Variants in DBNL observed in about 807,000 individuals in gnomAD.
The protein encoded by DBNL is drebrin-like protein.
In DBNL, 35 loss-of-function variants were observed where a neutral mutation model predicts 62.2. The observed-to-expected ratio is 0.56, with a 90% CI of 0.43 to 0.75. The LOEUF (loss-of-function observed/expected upper bound fraction) is 0.75, where lower values mean the gene tolerates loss of function less well. Among genes scored for constraint, DBNL ranks in the 30% least tolerant of loss-of-function variants. The pLI, the probability that DBNL is intolerant of heterozygous loss-of-function variation, is 0.00. For synonymous variants in DBNL, 197 were observed against 218.0 expected (o/e 0.90, Z 0.85); for missense variants, 495 against 578.4 (o/e 0.86, Z 1.48).
rs750422335 is a variant in DBNL, at chr7:44,062,889, C to T, written c.*1973C>T. 3 of 1,614,208 alleles carry T rather than the reference C, an allele frequency of 1.9e-6. No individual in the cohort carries two copies. The highest frequency in any genetic ancestry group is 3.3e-4 in the Middle Eastern group (2 of 6,062). On this transcript the variant is annotated 3_prime_UTR_variant, in exon 13 of 13. Transcript: ENST00000448521. ...TTCAGCTCATACACAATGGGGATCC[C>T]CGTGGGCAGGTTCAGCTCCATGATC...
intron 4 of DBNL, 78 bp downstream of exon 4, chr7:44,053,019 A>G (rs2096129404): frequency 1.3e-6 from 2 of 1,531,004 alleles, no homozygotes; most frequent in African/African-American, 2.7e-5. Flanking sequence ...GGTGCGAGCA[A>G]GTGGGAATCA....
At chr7:44,057,526 G>A (rs1050070980) in intron 5 of DBNL, among the ~76,000 whole-genome samples, 3 of 152,130 alleles carry the variant, frequency 2.0e-5, no homozygotes, top group Admixed American at 1.3e-4. Context: ...CCATGAGGGC[G>A]AGAGACCACC....
In DBNL at chr7:44,064,973, T is replaced by G. The variant is rs763114348; in HGVS notation, c.*4057T>G. 2 of 1,607,360 alleles carry G rather than the reference T, an allele frequency of 1.2e-6. No homozygotes were observed. Among genetic ancestry groups the G allele is most frequent in the Admixed American group, 3.3e-5 (2 of 59,870 alleles). On this transcript the variant is annotated 3_prime_UTR_variant, in exon 13 of 13. Coordinates refer to ENST00000448521, the MANE Select transcript of DBNL (RefSeq NM_001014436.3). ...ATGGTGTCCTTGAGGCTCTCGCAGG[T>G]GGGGAGTTCCCCGGGCTTCAGGCCT...
In DBNL at chr7:44,058,073, G is replaced by A. The variant is rs2096139752; in HGVS notation, c.553-56G>A. ...TGTGCCTAAAACTCAGTCCTGGGCA[G>A]GGGATTAGGCTGAAGTGGCAGCATA... is the stretch of plus-strand genomic sequence containing the variant. On this transcript the variant is annotated intron_variant, in intron 6 of 12. Transcript: ENST00000448521. The A allele has an allele frequency of 2.6e-6, 4 of 1,543,466 alleles. No individual in the cohort carries two copies. In the South Asian group the frequency reaches 3.6e-5, roughly 14 times the overall value.
At position 44,060,135 on chromosome 7, in the gene DBNL, C is replaced by G; in HGVS notation, c.1135C>G (p.Leu379Val). Residue 379 changes from leucine (L) to valine (V), a missense_variant, in exon 12 of 13, where the codon CTG (leucine) becomes GTG (valine). Coordinates refer to ENST00000448521, the MANE Select transcript of DBNL (RefSeq NM_001014436.3). This position sits in a 1 kb window ranked among gnomAD's most constrained non-coding sequence, Gnocchi z 6.3. ...LSGQGLCARA[L>V]YDYQAADDTE... ...TGGGCAAGGGCTCTGTGCCCGTGCC[C>G]TGTACGACTACCAGGCAGGTAAGGT... 2 of 1,612,026 alleles carry G rather than the reference C, an allele frequency of 1.2e-6. No homozygotes were observed. The highest frequency in any genetic ancestry group is 1.7e-6 in the Non-Finnish European group (2 of 1,178,678).
intron 3 of DBNL, among the ~76,000 whole-genome samples, chr7:44,052,376 G>A (rs1278066360): frequency 3.3e-5 from 5 of 152,064 alleles, no homozygotes; most frequent in East Asian, 1.9e-4. Flanking sequence ...TTGGGAGGCC[G>A]AGGTGGGTGG....
rs1264838359 is a variant in DBNL at position 44,062,946 on chromosome 7, TAG to T, written c.*2031_*2032del. ...TCTGACATCCCTATGCCGGAAGGAA[TAG>T]GTGTCCTTAGCCCCTCTGTCCCCAG... On this transcript the variant is annotated 3_prime_UTR_variant, in exon 13 of 13. Coordinates refer to ENST00000448521, the MANE Select transcript of DBNL (RefSeq NM_001014436.3). 2 of 1,614,010 alleles carry T rather than the reference TAG, an allele frequency of 1.2e-6. No individual in the cohort carries two copies. The highest frequency in any genetic ancestry group is 3.3e-4 in the Middle Eastern group (2 of 6,062).
Position 44,058,981 on chromosome 7 carries a change from C to T in DBNL, c.833C>T (p.Pro278Leu), listed in dbSNP as rs1370026429. The part of the protein sequence containing the change: ...MSTTSISSPQ[P>L]GKLRSPFLQK... Reference sequence around the variant, plus strand: ...ACCACCTCCATCTCCAGTCCTCAGCCTGGTGAGCTCTCCCTTTGGGCCTGG... The same window carrying T: ...ACCACCTCCATCTCCAGTCCTCAGCTTGGTGAGCTCTCCCTTTGGGCCTGG... The change falls in exon 9 of 13, where the codon CCT becomes CTT. Residue 278 changes from proline (P) to leucine (L), a missense_variant and splice_region_variant. Coordinates refer to ENST00000448521, the MANE Select transcript of DBNL (RefSeq NM_001014436.3). 1.2e-6 allele frequency: 2 copies of T among 1,613,934 alleles called. No individual in the cohort carries two copies. Among genetic ancestry groups the T allele is most frequent in the Non-Finnish European group, 1.7e-6 (2 of 1,179,966 alleles).
chr7:44,056,621 C>A, intron 4 of DBNL, 136 bp from the exon 5 acceptor site: 1 of 1,268,118 alleles, frequency 7.9e-7, no homozygotes, highest in South Asian at 1.5e-5. Flanking sequence ...TTTTCAGCAG[C>A]CAGACAGGTG....
In DBNL at chr7:44,064,844, T is replaced by G. The variant is rs558829258; in HGVS notation, c.*3928T>G. ...AAGGTGGCCTCACCTTCCAGGTGCT[T>G]GACAATGCCCCGCAGGCTGTTCCCG... On this transcript the variant is annotated 3_prime_UTR_variant, in exon 13 of 13. Transcript: ENST00000448521. 1 of 1,601,804 alleles carries G rather than the reference T, an allele frequency of 6.2e-7. No individual in the cohort carries two copies. Among genetic ancestry groups the G allele is most frequent in the African/African-American group, 1.3e-5 (1 of 74,768 alleles).
chr7:44,056,868 G>C lies in DBNL; in HGVS notation c.439G>C (p.Gly147Arg), dbSNP rs754942097. 1 of 1,614,158 alleles carries C rather than the reference G, an allele frequency of 6.2e-7. No individual in the cohort carries two copies. Among genetic ancestry groups the C allele is most frequent in the Admixed American group, 1.7e-5 (1 of 60,024 alleles). Residue 147 changes from glycine (G) to arginine (R), a missense_variant, in exon 5 of 13, where the codon GGC becomes CGC. Physicochemically the swap from Gly to Arg is moderately radical, Grantham distance 125. Coordinates refer to ENST00000448521, the MANE Select transcript of DBNL (RefSeq NM_001014436.3). ...GANYSFHKESGRFQDVGPQAP... is the reference protein window; with the variant it reads ...GANYSFHKESRRFQDVGPQAP... ...CAACTACAGCTTTCACAAGGAGAGT[G>C]GCCGCTTCCAGGACGTGGGACCCCA...
rs2096148018 is a variant in DBNL, at chr7:44,061,020, C to T, written c.*104C>T. On this transcript the variant is annotated 3_prime_UTR_variant, in exon 13 of 13. Coordinates refer to ENST00000448521, the MANE Select transcript of DBNL (RefSeq NM_001014436.3). ...TCAGCACTCTTCCAGGAATAGGACCCCCAGTGAGGATGAGGCCTCAGGGCT... is the reference window on the plus strand; with the variant it reads ...TCAGCACTCTTCCAGGAATAGGACCTCCAGTGAGGATGAGGCCTCAGGGCT... 4 of 1,457,792 alleles carry T rather than the reference C, an allele frequency of 2.7e-6. No individual in the cohort carries two copies. The highest frequency in any genetic ancestry group is 3.6e-6 in the Non-Finnish European group (4 of 1,096,452). The allele number at this position is 1,457,792 out of a possible 1,614,324, so 90.3% of individuals were successfully genotyped here. A position where few individuals can be genotyped will look rare whatever the true frequency, so the allele number is the denominator to read the frequency against.
chr7:44,060,140 C>T lies in DBNL; in HGVS notation c.1140C>T (p.Tyr380=), dbSNP rs376565244. The T allele has an allele frequency of 1.2e-5, 20 of 1,611,202 alleles. No individual in the cohort carries two copies. The highest frequency in any genetic ancestry group is 1.2e-4 in the African/African-American group (9 of 74,854). Residue 380 remains tyrosine, a synonymous_variant, in exon 12 of 13, where the codon TAC becomes TAT. Transcript: ENST00000448521. The surrounding 1 kb of genome is among the most constrained non-coding windows in gnomAD (Gnocchi z 6.3). ...SGQGLCARAL[Y]DYQAADDTEI... is the part of the protein sequence containing the mutation. ...AAGGGCTCTGTGCCCGTGCCCTGTA[C>T]GACTACCAGGCAGGTAAGGTGCCCT...
At chr7:44,045,178 C>T (rs2096114779) in intron 1 of DBNL, among the ~76,000 whole-genome samples, 2 of 152,204 alleles carry the variant, frequency 1.3e-5, no homozygotes, top group South Asian at 4.1e-4. Flanking sequence ...CCTGGGACTT[C>T]CCTGGAGAAG....
intron 4 of DBNL, among the ~76,000 whole-genome samples, chr7:44,053,555 C>T (rs902197482): frequency 2.0e-5 from 3 of 151,998 alleles, no homozygotes; most frequent in Non-Finnish European, 4.4e-5. Flanking sequence ...CCCAGCTTAT[C>T]GATATACAGG....
At position 44,065,081 on chromosome 7, in the gene DBNL, GCTTCCCAGAGGC is replaced by G. The variant is rs1399273356; in HGVS notation, c.*4174_*4185del. 2 of 1,612,350 alleles carry G rather than the reference GCTTCCCAGAGGC, an allele frequency of 1.2e-6. No individual in the cohort carries two copies. Among genetic ancestry groups the G allele is most frequent in the Non-Finnish European group, 1.7e-6 (2 of 1,179,924 alleles). ...CCCCCACCCGACTCCCCACTCTGCA[GCTTCCCAGAGGC>G]CTTCCCAGCAAAGGCAGCCCACCTT... On this transcript the variant is annotated 3_prime_UTR_variant, in exon 13 of 13. Coordinates refer to ENST00000448521, the MANE Select transcript of DBNL (RefSeq NM_001014436.3).
chr7:44,053,285 G>C (rs1159977521), intron 4 of DBNL, among the ~76,000 whole-genome samples: 1 of 152,210 alleles, frequency 6.6e-6, no homozygotes, highest in Non-Finnish European at 1.5e-5. Context: ...TTGGAGGAAG[G>C]GGAGAGTGCC....
chr7:44,053,123 T>C (rs2096129579), intron 4 of DBNL, among the ~76,000 whole-genome samples, 182 bp downstream of exon 4: 1 of 152,172 alleles, frequency 6.6e-6, no homozygotes, highest in Non-Finnish European at 1.5e-5. Flanking sequence ...AGTGAGTGCA[T>C]GGGAGGTCAG....
rs193063359 is a variant in DBNL at position 44,062,398 on chromosome 7, C to T, written c.*1482C>T. On this transcript the variant is annotated 3_prime_UTR_variant, in exon 13 of 13. Transcript: ENST00000448521. ...CTCTGCAGGAAGCTGTCCAGGAAGC[C>T]GTGTCCTGGGCTGTGGTCCTTGCTC... 143 of 323,708 alleles carry T rather than the reference C, an allele frequency of 4.4e-4. No homozygotes were observed. The highest frequency in any genetic ancestry group is 2.6e-3 in the African/African-American group (122 of 46,930). The allele number at this position is 323,708 out of a possible 1,614,324, so 20.1% of individuals were successfully genotyped here. A position where few individuals can be genotyped will look rare whatever the true frequency, so the allele number is the denominator to read the frequency against.
Sources: gnomAD v4.1 joint callset for allele counts (sites outside exome capture counted in the v4.1 genomes callset) on GRCh38, gnomAD v4.1.1 for gene constraint, Gnocchi (gnomAD v3.1) non-coding constraint, MANE v1.5 for transcripts, NCBI Gene and HGNC (gene_info 2026-07-23, HGNC 2026-07-21) for gene names.